The following WWOX variants were observed in gnomAD, a reference collection of about 807,000 sequenced individuals.
WWOX encodes WW domain containing oxidoreductase, also known as WW domain-containing oxidoreductase.
Under a neutral mutation model 46.2 loss-of-function variants are expected in WWOX, and 69 were observed. The observed-to-expected ratio is 1.49, with a 90% confidence interval of 1.23 to 1.82. The LOEUF is 1.82. Ranked by LOEUF, WWOX falls within the 40% of genes most tolerant of loss-of-function variation. The probability of loss-of-function intolerance (pLI) is 0.00; values close to 1 mark genes in which losing one functional copy is unlikely to be tolerated. For synonymous variants in WWOX, 359 were observed against 202.6 expected, an observed-to-expected ratio of 1.77 and a Z score of -6.56; for missense variants, 919 against 542.6, an observed-to-expected ratio of 1.69 and a Z score of -6.89.
intron 4 of WWOX, among the ~76,000 whole-genome samples, chr16:78,148,452 C>T (rs1031218573): frequency 1.3e-5 from 2 of 152,100 alleles, no homozygotes; most frequent in African/African-American, 4.8e-5. Context: ...AGCAAAAGAG[C>T]TGTGTCTTCT....
At chr16:78,129,596 A>C (rs149787662) in intron 4 of WWOX, among the ~76,000 whole-genome samples, 1 of 152,144 alleles carries the variant, frequency 6.6e-6, no homozygotes, top group African/African-American at 2.4e-5. Flanking sequence ...AAAGCTTCCC[A>C]ATCAGCCTTT....
chr16:79,087,155 T>C (rs116424891), intron 8 of WWOX, among the ~76,000 whole-genome samples: 91 of 152,262 alleles, frequency 6.0e-4, no homozygotes, highest in African/African-American at 2.1e-3. Flanking sequence ...AGGAGAGTAT[T>C]CATGAAATTT....
intron 8 of WWOX, among the ~76,000 whole-genome samples, chr16:78,756,328 A>C (rs757844487): frequency 2.5e-4 from 38 of 152,160 alleles, no homozygotes; most frequent in African/African-American, 4.1e-4. Flanking sequence ...AACAAACAAA[A>C]AAAAATCAAT....
At chr16:78,986,207 C>T (rs529698886) in intron 8 of WWOX, among the ~76,000 whole-genome samples, 20 of 152,102 alleles carry the variant, frequency 1.3e-4, no homozygotes, top group African/African-American at 3.9e-4. Context: ...ATATGCAGCG[C>T]GCTTGCAATT....
intron 8 of WWOX, among the ~76,000 whole-genome samples, chr16:78,684,379 G>A (rs997693071): frequency 1.3e-5 from 2 of 152,158 alleles, no homozygotes; most frequent in African/African-American, 2.4e-5. Context: ...TCCTTAGCAG[G>A]GAGTGCCAGT....
At chr16:79,174,742 T>C (rs2050767383) in intron 8 of WWOX, among the ~76,000 whole-genome samples, 1 of 152,228 alleles carries the variant, frequency 6.6e-6, no homozygotes, top group Admixed American at 6.5e-5. Flanking sequence ...TCTTTTAGAA[T>C]ATGAGTGAGC....
At chr16:78,171,146 G>A (rs1467420761) in intron 5 of WWOX, among the ~76,000 whole-genome samples, 1 of 152,158 alleles carries the variant, frequency 6.6e-6, no homozygotes, top group East Asian at 1.9e-4. Flanking sequence ...ACATTTTGCT[G>A]TGCTTTTCAT....
At chr16:78,863,702 G>T (rs2043942393) in intron 8 of WWOX, among the ~76,000 whole-genome samples, 1 of 152,186 alleles carries the variant, frequency 6.6e-6, no homozygotes, top group Non-Finnish European at 1.5e-5. Flanking sequence ...GTGGGTATCT[G>T]TTGAACCGGC....
intron 8 of WWOX, among the ~76,000 whole-genome samples, chr16:78,748,286 A>C (rs2049397247): frequency 6.6e-6 from 1 of 152,226 alleles, no homozygotes; most frequent in Admixed American, 6.5e-5. Context: ...TAAACATTTT[A>C]ATCTACTATA....
intron 5 of WWOX, among the ~76,000 whole-genome samples, chr16:78,359,449 T>A (rs2081364197): frequency 6.6e-6 from 1 of 152,194 alleles, no homozygotes; most frequent in Non-Finnish European, 1.5e-5. Context: ...AAGGAGCACA[T>A]TTAGAAAACA....
At chr16:78,665,934 CT>C (rs1175297491) in intron 8 of WWOX, among the ~76,000 whole-genome samples, 1 of 151,940 alleles carries the variant, frequency 6.6e-6, no homozygotes, top group Non-Finnish European at 1.5e-5. Flanking sequence ...ATCTGCCCAC[CT>C]TGGCCTCCCA....
intron 8 of WWOX, among the ~76,000 whole-genome samples, chr16:78,942,981 A>G (rs2045881133): frequency 1.3e-5 from 2 of 152,202 alleles, no homozygotes; most frequent in Non-Finnish European, 2.9e-5. Context: ...TTGGATTTGT[A>G]TCAGATCAAC....
At chr16:79,114,481 G>C (rs2049475040) in intron 8 of WWOX, among the ~76,000 whole-genome samples, 1 of 151,484 alleles carries the variant, frequency 6.6e-6, no homozygotes, top group Non-Finnish European at 1.5e-5. Flanking sequence ...TGTGAAGATG[G>C]AGGCAGATAC....
intron 8 of WWOX, among the ~76,000 whole-genome samples, chr16:78,480,114 C>G (rs2084450823): frequency 6.6e-6 from 1 of 152,092 alleles, no homozygotes; most frequent in Non-Finnish European, 1.5e-5. Context: ...CTTCACTGTC[C>G]AATATGGTAG....
chr16:78,877,299 C>T (rs2044253742), intron 8 of WWOX, among the ~76,000 whole-genome samples: 1 of 150,226 alleles, frequency 6.7e-6, no homozygotes, highest in East Asian at 2.0e-4. Flanking sequence ...GACCCGCCTG[C>T]CTCCCCCCTG....
intron 8 of WWOX, among the ~76,000 whole-genome samples, chr16:78,950,032 T>A (rs1441246876): frequency 1.7e-4 from 26 of 152,244 alleles, no homozygotes; most frequent in Admixed American, 5.9e-4. Flanking sequence ...TCCAAGGCTG[T>A]GCAGCTCTAG....
chr16:79,025,758 T>G (rs1445875066), intron 8 of WWOX, among the ~76,000 whole-genome samples: 2 of 151,070 alleles, frequency 1.3e-5, no homozygotes, highest in African/African-American at 4.9e-5. Context: ...CCTTTCATCC[T>G]TCATCTCCCC....
chr16:78,606,457 G>GA (rs367647334), intron 8 of WWOX, among the ~76,000 whole-genome samples: 2,210 of 146,782 alleles, frequency 0.015, 50 homozygotes, highest in African/African-American at 0.05. Context: ...AAGAAAGAAA[G>GA]AAAAAAAAAA....
At chr16:78,986,266 TA>T (rs1250448638) in intron 8 of WWOX, among the ~76,000 whole-genome samples, 12 of 152,238 alleles carry the variant, frequency 7.9e-5, no homozygotes, top group Admixed American at 3.9e-4. Context: ...TAATCAGTTT[TA>T]CAAAGATGCC....
Sources: gnomAD v4.1 joint callset for allele counts (sites outside exome capture counted in the v4.1 genomes callset) on GRCh38, gnomAD v4.1.1 for gene constraint, MANE v1.5 for transcripts, NCBI Gene and HGNC (gene_info 2026-07-23, HGNC 2026-07-21) for gene names.